Variants in FAM171B observed in about 807,000 individuals in gnomAD.
The protein encoded by FAM171B is protein FAM171B.
FAM171B carries 19 observed loss-of-function variants against 75.6 expected under a neutral mutation model. That is an observed-to-expected ratio of 0.25 (90% CI 0.18 to 0.37). The LOEUF (loss-of-function observed/expected upper bound fraction) is 0.37. Ranked by LOEUF, FAM171B falls within the 10% of genes least tolerant of loss-of-function variation. FAM171B has a pLI of 1.00. For synonymous variants in FAM171B, 367 were observed against 361.7 expected (o/e 1.01, Z -0.17); for missense variants, 848 against 982.4 (o/e 0.86, Z 1.83).
At chr2:186,723,656 A>C (rs554164817) in intron 1 of FAM171B, among the ~76,000 whole-genome samples, 236 of 152,342 alleles carry the variant, frequency 1.5e-3, no homozygotes, top group African/African-American at 5.4e-3. Context: ...TAACCTCAAA[A>C]GAATTAGTAT....
At chr2:186,724,396 C>T (rs1379030515) in intron 1 of FAM171B, among the ~76,000 whole-genome samples, 1 of 152,168 alleles carries the variant, frequency 6.6e-6, no homozygotes, top group Admixed American at 6.5e-5. Context: ...TGACCAATGC[C>T]TTGACAGCTT....
At chr2:186,721,580 G>A (rs1052167741) in intron 1 of FAM171B, among the ~76,000 whole-genome samples, 1 of 152,090 alleles carries the variant, frequency 6.6e-6, no homozygotes, top group African/African-American at 2.4e-5. Context: ...ATAAATGACT[G>A]ATTTCTTGCT....
At position 186,740,440 on chromosome 2, in the gene FAM171B, T is replaced by C; in HGVS notation, c.451T>C (p.Trp151Arg). The C allele has an allele frequency of 6.2e-7, 1 of 1,610,946 alleles. No individual in the cohort carries two copies. Among genetic ancestry groups the C allele is most frequent in the Non-Finnish European group, 8.5e-7 (1 of 1,178,202 alleles). The change falls in exon 2 of 8, where the codon TGG becomes CGG. Residue 151 changes from tryptophan (W) to arginine (R), a missense_variant. Coordinates refer to ENST00000304698, the MANE Select transcript of FAM171B (RefSeq NM_177454.4). Reference sequence around the variant, plus strand: ...TGGCTACGTGTTGACCCCTCTGCCTTGGAAAACCAGAAGAATGCCAAGTAA... The same window carrying C: ...TGGCTACGTGTTGACCCCTCTGCCTCGGAAAACCAGAAGAATGCCAAGTAA... ...KDGYVLTPLP[W>R]KTRRMPIYSS...
At chr2:186,754,441 G>T (rs1690499885) in intron 6 of FAM171B, among the ~76,000 whole-genome samples, 1 of 152,198 alleles carries the variant, frequency 6.6e-6, no homozygotes, top group Non-Finnish European at 1.5e-5. Flanking sequence ...AAAGGCTGAA[G>T]AACCAGATGC....
intron 4 of FAM171B, among the ~76,000 whole-genome samples, chr2:186,750,603 CT>C (rs1690437619): frequency 6.7e-6 from 1 of 148,570 alleles, no homozygotes; most frequent in Non-Finnish European, 1.5e-5. Flanking sequence ...AATCTGAATG[CT>C]TTTTATGTAA....
intron 1 of FAM171B, among the ~76,000 whole-genome samples, chr2:186,701,460 C>T (rs1423420717): frequency 6.6e-6 from 1 of 152,160 alleles, no homozygotes; most frequent in Admixed American, 6.6e-5. Flanking sequence ...ACTCATCTTA[C>T]ATATCTGCTA....
intron 1 of FAM171B, among the ~76,000 whole-genome samples, chr2:186,697,777 A>G (rs970758570): frequency 2.0e-5 from 3 of 152,146 alleles, no homozygotes; most frequent in African/African-American, 7.2e-5. Context: ...ATAGTAGAGA[A>G]ACTCACCATT....
intron 6 of FAM171B, among the ~76,000 whole-genome samples, chr2:186,754,842 T>A (rs1247178515): frequency 6.6e-6 from 1 of 152,162 alleles, no homozygotes; most frequent in Non-Finnish European, 1.5e-5. Flanking sequence ...AAATGATTTT[T>A]TTTAAGTTCA....
chr2:186,701,310 C>G (rs572578090), intron 1 of FAM171B, among the ~76,000 whole-genome samples: 1 of 152,238 alleles, frequency 6.6e-6, no homozygotes, highest in East Asian at 1.9e-4. Context: ...TATAGTCAAA[C>G]AAATTAACAT....
At chr2:186,711,549 G>C (rs1689809549) in intron 1 of FAM171B, among the ~76,000 whole-genome samples, 1 of 152,174 alleles carries the variant, frequency 6.6e-6, no homozygotes, top group South Asian at 2.1e-4. Context: ...CACAGAAATG[G>C]AGTTCCTGGT....
intron 1 of FAM171B, among the ~76,000 whole-genome samples, chr2:186,716,367 C>T (rs192951312): frequency 1.5e-3 from 236 of 152,260 alleles, no homozygotes; most frequent in Non-Finnish European, 2.8e-3. Context: ...TCATTTTCAT[C>T]CCTTTTCCTT....
At chr2:186,732,462 A>G (rs1690131954) in intron 1 of FAM171B, among the ~76,000 whole-genome samples, 1 of 152,168 alleles carries the variant, frequency 6.6e-6, no homozygotes, top group South Asian at 2.1e-4. Context: ...TTGCCTTCCT[A>G]GAAGAAAGAA....
In FAM171B at chr2:186,729,280, G is replaced by A. The variant is rs953176435; in HGVS notation, c.239-10948G>A. ...ATATGTTGAAAAGATGATTATGTGGGCAAGACATAATGATTATAATTAAGT... is the reference window on the plus strand; with the variant it reads ...ATATGTTGAAAAGATGATTATGTGGACAAGACATAATGATTATAATTAAGT... On this transcript the variant is annotated intron_variant, in intron 1 of 7. Transcript: ENST00000304698. 3.3e-5 allele frequency among the ~76,000 whole-genome samples: 5 copies of A among 152,072 alleles called. 1 individual carries two copies. The highest frequency in any genetic ancestry group is 4.1e-4 in the South Asian group (2 of 4,824).
In FAM171B at chr2:186,762,173, C is replaced by G; in HGVS notation, c.1831C>G (p.Gln611Glu). Residue 611 changes from glutamine to glutamate, a missense_variant, in exon 8 of 8, where the codon CAG becomes GAG. Coordinates refer to ENST00000304698, the MANE Select transcript of FAM171B (RefSeq NM_177454.4). The surrounding 1 kb of genome is among the most constrained non-coding windows in gnomAD (Gnocchi z 4.0). The stretch of plus-strand genomic sequence containing the variant: ...AGAGGATATCATACTTGAAGGTCAA[C>G]AGAGCCTGCCATCCCAGGCTTCAGA... The part of the protein sequence containing the change: ...REEDIILEGQ[Q>E]SLPSQASDWS... 6.2e-7 allele frequency: 1 copy of G among 1,613,682 alleles called. No individual in the cohort carries two copies. Among genetic ancestry groups the G allele is most frequent in the Non-Finnish European group, 8.5e-7 (1 of 1,179,778 alleles).
intron 6 of FAM171B, among the ~76,000 whole-genome samples, chr2:186,760,459 A>T (rs1456567818): frequency 1.3e-5 from 2 of 152,196 alleles, no homozygotes; most frequent in Non-Finnish European, 2.9e-5. Flanking sequence ...GATAATCAAC[A>T]TTCTATCTTA....
rs532023718 is a variant in FAM171B at position 186,738,881 on chromosome 2, C to T, written c.239-1347C>T. On this transcript the variant is annotated intron_variant, in intron 1 of 7. Transcript: ENST00000304698. Reference sequence around the variant, plus strand: ...CATGTGTAACTTAACAATGACAATACACTATGAGAAATGCATTGTTAGGTG... The same window carrying T: ...CATGTGTAACTTAACAATGACAATATACTATGAGAAATGCATTGTTAGGTG... Among the ~76,000 whole-genome samples the T allele has an allele frequency of 2.0e-5, 3 of 152,172 alleles. No homozygotes were observed. The South Asian group carries it at 6.2e-4, about 32-fold the overall frequency.
intron 1 of FAM171B, among the ~76,000 whole-genome samples, chr2:186,701,092 T>G (rs995190615): frequency 2.4e-4 from 36 of 149,176 alleles, no homozygotes; most frequent in African/African-American, 8.8e-4. Flanking sequence ...AAGTTTTGTA[T>G]TTTTTTTTAG....
At position 186,740,401 on chromosome 2, in the gene FAM171B, A is replaced by G. The variant is rs769534912; in HGVS notation, c.412A>G (p.Ile138Val). 6.2e-7 allele frequency: 1 copy of G among 1,613,940 alleles called. No homozygotes were observed. The highest frequency in any genetic ancestry group is 1.3e-5 in the African/African-American group (1 of 74,924). Reference sequence around the variant, plus strand: ...CAAATTAGGACTTAGTTTAACTATTATTGCTTACAAAGATGGCTACGTGTT... The same window carrying G: ...CAAATTAGGACTTAGTTTAACTATTGTTGCTTACAAAGATGGCTACGTGTT... ...PYKLGLSLTI[I>V]AYKDGYVLTP... The change falls in exon 2 of 8, where the codon ATT becomes GTT. Residue 138 changes from isoleucine to valine, a missense_variant. Physicochemically the swap from Ile to Val is conservative, Grantham distance 29 (BLOSUM62 3). Around this residue, in one of 3 missense-constraint regions of FAM171B, gnomAD observed 665 missense variants for 729.0 expected, o/e 0.91. Coordinates refer to ENST00000304698, the MANE Select transcript of FAM171B (RefSeq NM_177454.4).
At chr2:186,704,662 G>T (rs963544012) in intron 1 of FAM171B, among the ~76,000 whole-genome samples, 4 of 152,182 alleles carry the variant, frequency 2.6e-5, no homozygotes, top group African/African-American at 9.7e-5. Flanking sequence ...GGTTGAGCTT[G>T]TTCATAATCT....
Sources: gnomAD v4.1 joint callset for allele counts (sites outside exome capture counted in the v4.1 genomes callset) on GRCh38, gnomAD v4.1.1 for gene constraint, gnomAD v4.1.1 regional missense constraint, Gnocchi (gnomAD v3.1) non-coding constraint, MANE v1.5 for transcripts, NCBI Gene and HGNC (gene_info 2026-07-23, HGNC 2026-07-21) for gene names.